FZD3: variants seen among roughly 807,000 people sequenced by gnomAD.
The protein encoded by FZD3 is frizzled-3.
FZD3 carries 30 observed loss-of-function variants against 60.7 expected under a neutral mutation model. The observed-to-expected ratio is 0.49, with a 90% CI of 0.37 to 0.67. FZD3 has a LOEUF of 0.67. FZD3 is among the 30% of genes least tolerant of loss of function. The pLI, the probability that FZD3 is intolerant of heterozygous loss-of-function variation, is 0.00. For synonymous variants in FZD3, 246 were observed against 275.2 expected, an observed-to-expected ratio of 0.89 and a Z score of 1.05; for missense variants, 605 against 838.7, an observed-to-expected ratio of 0.72 and a Z score of 3.44.
At chr8:28,509,119 CAGTT>C (rs997266371) in intron 3 of FZD3, among the ~76,000 whole-genome samples, 28 of 152,116 alleles carry the variant, frequency 1.8e-4, no homozygotes, top group African/African-American at 5.8e-4. Flanking sequence ...ACACAATACA[CAGTT>C]AGGTTCATAT....
At chr8:28,502,544 G>A (rs1804023321) in intron 2 of FZD3, 126 bp from the exon 3 acceptor site, 1 of 152,174 alleles carries the variant, frequency 6.6e-6, no homozygotes, top group Admixed American at 6.5e-5. Flanking sequence ...TCTTTATAAA[G>A]TACCCACATA....
chr8:28,518,811 C>T (rs951513283), intron 3 of FZD3, among the ~76,000 whole-genome samples: 51 of 152,352 alleles, frequency 3.3e-4, no homozygotes, highest in African/African-American at 1.2e-3. Flanking sequence ...GTCTTACGCC[C>T]AGTTCAACAA....
intron 3 of FZD3, among the ~76,000 whole-genome samples, chr8:28,503,630 CTA>C (rs1286652239): frequency 6.6e-6 from 1 of 152,152 alleles, no homozygotes; most frequent in African/African-American, 2.4e-5. Context: ...AGTTTAGAAA[CTA>C]TTTCAAATTT....
rs535376860 is a variant in FZD3, at chr8:28,569,054, TA to T, written c.*6044del. The T allele has an allele frequency of 1.8e-3, 278 of 152,234 alleles. 3 individuals carry two copies. The highest frequency in any genetic ancestry group is 6.2e-3 in the African/African-American group (259 of 41,574). The allele number at this position is 152,234 out of a possible 1,614,324, so 9.4% of individuals were successfully genotyped here. ...GTTTTTAAAGTTTTTTTAAGGTTGATATTTTATCATATTCCTGGAGTAGGAT... is the reference window on the plus strand; with the variant it reads ...GTTTTTAAAGTTTTTTTAAGGTTGATTTTTATCATATTCCTGGAGTAGGAT... On this transcript the variant is annotated 3_prime_UTR_variant, in exon 8 of 8. Coordinates refer to ENST00000240093, the MANE Select transcript of FZD3 (RefSeq NM_017412.4).
chr8:28,525,435 A>C (rs908331137), intron 4 of FZD3, among the ~76,000 whole-genome samples: 2 of 152,148 alleles, frequency 1.3e-5, no homozygotes, highest in Non-Finnish European at 2.9e-5. Context: ...CAGGGACTTG[A>C]ATGAAGTGAG....
At chr8:28,552,282 T>C (rs1483288503) in intron 6 of FZD3, among the ~76,000 whole-genome samples, 1 of 152,220 alleles carries the variant, frequency 6.6e-6, no homozygotes, top group African/African-American at 2.4e-5. Flanking sequence ...CATTCTAATA[T>C]AGTACGTTAA....
chr8:28,504,474 A>G (rs1804084724), intron 3 of FZD3, among the ~76,000 whole-genome samples: 1 of 152,182 alleles, frequency 6.6e-6, no homozygotes, highest in African/African-American at 2.4e-5. Context: ...TTTAAATCAT[A>G]ACTCCTTTGG....
intron 3 of FZD3, among the ~76,000 whole-genome samples, chr8:28,514,041 A>G (rs1042638019): frequency 6.6e-6 from 1 of 152,154 alleles, no homozygotes; most frequent in Non-Finnish European, 1.5e-5. Context: ...GGTTCCCTGT[A>G]GTGCACCTTT....
chr8:28,527,260 G>T lies in FZD3; in HGVS notation c.500G>T (p.Arg167Leu). ...VQRDYGFWCPRELKIDPDLGY... is the reference protein window; with the variant it reads ...VQRDYGFWCPLELKIDPDLGY... The stretch of plus-strand genomic sequence containing the variant: ...AGAGACTATGGTTTTTGGTGTCCCC[G>T]AGAGTTAAAAATTGATCCTGATCTG... The change falls in exon 5 of 8, where the codon CGA (arginine) becomes CTA (leucine). Residue 167 changes from arginine (R) to leucine (L), a missense_variant. Coordinates refer to ENST00000240093, the MANE Select transcript of FZD3 (RefSeq NM_017412.4). The surrounding 1 kb of genome is among the most constrained non-coding windows in gnomAD (Gnocchi z 5.0). 1 of 1,613,964 alleles carries T rather than the reference G, an allele frequency of 6.2e-7. No homozygotes were observed.
rs926877669 is a variant in FZD3 at position 28,573,097 on chromosome 8, T to G, written c.*10086T>G. ...TTGGTACACTTCTTCCTAGGCAATATGCTCATGATACCCTCTTCATGTGAC... is the reference window on the plus strand; with the variant it reads ...TTGGTACACTTCTTCCTAGGCAATAGGCTCATGATACCCTCTTCATGTGAC... On this transcript the variant is annotated 3_prime_UTR_variant, in exon 8 of 8. Transcript: ENST00000240093. 6.6e-6 allele frequency: 1 copy of G among 152,150 alleles called. No individual in the cohort carries two copies. The highest frequency in any genetic ancestry group is 2.4e-5 in the African/African-American group (1 of 41,436). The allele number at this position is 152,150 out of a possible 1,614,324, so 9.4% of individuals were successfully genotyped here. A position where few individuals can be genotyped will look rare whatever the true frequency, so the allele number is the denominator to read the frequency against.
chr8:28,517,852 A>T (rs1804472945), intron 3 of FZD3, among the ~76,000 whole-genome samples: 1 of 152,052 alleles, frequency 6.6e-6, no homozygotes, highest in African/African-American at 2.4e-5. Context: ...TAGCTGGATC[A>T]CCACATTTTT....
chr8:28,544,085 G>GTAAAA (rs1431319494), intron 5 of FZD3, among the ~76,000 whole-genome samples: 2 of 151,684 alleles, frequency 1.3e-5, no homozygotes, highest in Non-Finnish European at 2.9e-5. Context: ...ATACTCTGCG[G>GTAAAA]TAAAATAAAA....
At chr8:28,506,794 A>G (rs1804152977) in intron 3 of FZD3, among the ~76,000 whole-genome samples, 1 of 152,224 alleles carries the variant, frequency 6.6e-6, no homozygotes. Flanking sequence ...TTCATTAAGA[A>G]CAGAGTATGT....
intron 7 of FZD3, among the ~76,000 whole-genome samples, chr8:28,558,739 A>C (rs1805560637): frequency 6.6e-6 from 1 of 152,152 alleles, no homozygotes; most frequent in Non-Finnish European, 1.5e-5. Context: ...GCCTGGCCTT[A>C]TCCTTTCAAT....
chr8:28,573,174 C>T lies in FZD3; in HGVS notation c.*10163C>T, dbSNP rs182107434. ...AAACTTCCTTACCTGCCTTCTATCC[C>T]CTAGTCATTCTTATCAATACTTCCA... On this transcript the variant is annotated 3_prime_UTR_variant, in exon 8 of 8. Coordinates refer to ENST00000240093, the MANE Select transcript of FZD3 (RefSeq NM_017412.4). 1 of 152,066 alleles carries T rather than the reference C, an allele frequency of 6.6e-6. No homozygotes were observed. Among genetic ancestry groups the T allele is most frequent in the Non-Finnish European group, 1.5e-5 (1 of 67,996 alleles). The allele number at this position is 152,066 out of a possible 1,614,324, so 9.4% of individuals were successfully genotyped here.
chr8:28,502,557 G>A (rs1804023798), intron 2 of FZD3, 113 bp from the exon 3 acceptor site: 1 of 152,246 alleles, frequency 6.6e-6, no homozygotes, highest in African/African-American at 2.4e-5. Flanking sequence ...CCCACATATT[G>A]TTAACTATTA....
rs1263463806 is a variant in FZD3, at chr8:28,567,919, G to A, written c.*4908G>A. 2.0e-5 allele frequency: 3 copies of A among 152,042 alleles called. No individual in the cohort carries two copies. The highest frequency in any genetic ancestry group is 1.5e-5 in the Non-Finnish European group (1 of 67,982). The allele number at this position is 152,042 out of a possible 1,614,324, so 9.4% of individuals were successfully genotyped here. On this transcript the variant is annotated 3_prime_UTR_variant, in exon 8 of 8. Coordinates refer to ENST00000240093, the MANE Select transcript of FZD3 (RefSeq NM_017412.4). ...TATAAAAAAAAATATATATGAAGAA[G>A]AATGTAGACCCTATAATGTTTTTTG...
intron 4 of FZD3, among the ~76,000 whole-genome samples, chr8:28,523,571 A>G (rs1375896345): frequency 6.6e-6 from 1 of 151,586 alleles, no homozygotes; most frequent in East Asian, 1.9e-4. Flanking sequence ...CTGGGATTAC[A>G]TGGGCGTACC....
In FZD3 at chr8:28,562,821, G is replaced by T. The variant is rs376233710; in HGVS notation, c.1811G>T (p.Gly604Val). The T allele has an allele frequency of 7.4e-5, 120 of 1,610,966 alleles. No individual in the cohort carries two copies. The highest frequency in any genetic ancestry group is 1.0e-4 in the Non-Finnish European group (119 of 1,177,896). ...DGRYTPCSYR[G>V]MEERLPHGSM... Reference sequence around the variant, plus strand: ...AGGTACACGCCCTGCAGTTACAGAGGAATGGAGGAGAGACTACCTCATGGC... The same window carrying T: ...AGGTACACGCCCTGCAGTTACAGAGTAATGGAGGAGAGACTACCTCATGGC... The change falls in exon 8 of 8, where the codon GGA becomes GTA. Residue 604 changes from glycine (G) to valine (V), a missense_variant. Physicochemically the swap from Gly to Val is moderately radical, Grantham distance 109. Coordinates refer to ENST00000240093, the MANE Select transcript of FZD3 (RefSeq NM_017412.4).
Sources: allele counts gnomAD v4.1 joint callset (sites outside exome capture counted in the v4.1 genomes callset), GRCh38; gene constraint gnomAD v4.1.1; non-coding constraint Gnocchi (gnomAD v3.1); transcripts MANE v1.5; gene names NCBI Gene and HGNC (gene_info 2026-07-23, HGNC 2026-07-21).